The following OTOA variants were observed in gnomAD, a reference collection of about 807,000 sequenced individuals.
The protein encoded by OTOA is cancer/testis antigen 108.
In OTOA, 70 loss-of-function variants were observed where a neutral mutation model predicts 110.8. The observed-to-expected ratio is 0.63, with a 90% CI of 0.52 to 0.77. OTOA has a LOEUF of 0.77. OTOA is among the 30% of genes least tolerant of loss of function. The pLI, the probability that OTOA is intolerant of heterozygous loss-of-function variation, is 0.00. For synonymous variants in OTOA, 373 were observed against 431.5 expected (o/e 0.86, Z 1.68); for missense variants, 917 against 1,075.8 (o/e 0.85, Z 2.06).
intron 1 of OTOA, among the ~76,000 whole-genome samples, chr16:21,672,405 C>T (rs1304066213): frequency 6.6e-6 from 1 of 151,944 alleles, no homozygotes; most frequent in Non-Finnish European, 1.5e-5. Flanking sequence ...GGCTGATCAC[C>T]AGAGGTCAGG....
At chr16:21,683,706 T>TAAAACA (rs917320028) in intron 6 of OTOA, among the ~76,000 whole-genome samples, 6 of 151,480 alleles carry the variant, frequency 4.0e-5, no homozygotes, top group Non-Finnish European at 7.4e-5. Flanking sequence ...ACCCCGTCTC[T>TAAAACA]AAAACAAAAA....
At chr16:21,709,668 T>C (rs1166407495) in intron 12 of OTOA, among the ~76,000 whole-genome samples, 1 of 152,128 alleles carries the variant, frequency 6.6e-6, no homozygotes. Flanking sequence ...AAGGGAATTT[T>C]TGGCACATGA....
At chr16:21,731,057 T>C (rs1899101465) in intron 21 of OTOA, 127 bp downstream of exon 21, 2 of 603,904 alleles carry the variant, frequency 3.3e-6, no homozygotes, top group African/African-American at 1.8e-5. Context: ...CTCCAAGGGC[T>C]AAGATGTTTC....
At chr16:21,734,905 G>A (rs896037058) in intron 21 of OTOA, among the ~76,000 whole-genome samples, 15 of 152,074 alleles carry the variant, frequency 9.9e-5, no homozygotes, top group African/African-American at 3.1e-4. Flanking sequence ...TTGGGAGGCC[G>A]AGGTGGGCGA....
At chr16:21,714,454 C>A (rs1898480358) in intron 13 of OTOA, among the ~76,000 whole-genome samples, 1 of 88,256 alleles carries the variant, frequency 1.1e-5, no homozygotes, top group African/African-American at 5.1e-5. Context: ...CTTTCTCTCT[C>A]TCTCTCTTCT....
chr16:21,674,377 C>G (rs1013655874), intron 1 of OTOA, among the ~76,000 whole-genome samples: 2 of 152,016 alleles, frequency 1.3e-5, no homozygotes, highest in Non-Finnish European at 2.9e-5. Context: ...GTGGTGCAAT[C>G]TTGGCTCACT....
chr16:21,756,541 C>T (rs1228646047), intron 27 of OTOA, among the ~76,000 whole-genome samples: 1 of 151,962 alleles, frequency 6.6e-6, no homozygotes, highest in African/African-American at 2.4e-5. Flanking sequence ...CTGTGTTTCC[C>T]CCTCCACATC....
At chr16:21,729,454 A>G (rs1262358822) in intron 20 of OTOA, 1 of 152,188 alleles carries the variant, frequency 6.6e-6, no homozygotes, top group African/African-American at 2.4e-5. Flanking sequence ...ATCCCCCACC[A>G]AAGTTGTACA....
At chr16:21,669,345 A>G (rs1966846083) in intron 1 of OTOA, among the ~76,000 whole-genome samples, 2 of 151,788 alleles carry the variant, frequency 1.3e-5, no homozygotes, top group Admixed American at 6.6e-5. Context: ...TCTGTCCCCC[A>G]CCCCAAAAAA....
chr16:21,720,396 GA>G (rs1898693574), intron 17 of OTOA, among the ~76,000 whole-genome samples: 1 of 152,214 alleles, frequency 6.6e-6, no homozygotes, highest in African/African-American at 2.4e-5. Flanking sequence ...TTTCAGACCA[GA>G]ATGAAGAATT....
At chr16:21,664,872 T>C (rs1425652052) in intron 1 of OTOA, among the ~76,000 whole-genome samples, 1 of 151,944 alleles carries the variant, frequency 6.6e-6, no homozygotes, top group Non-Finnish European at 1.5e-5. Flanking sequence ...CTCCGGAGGC[T>C]GAGGCAGGAG....
At chr16:21,665,530 T>C (rs1017109548) in intron 1 of OTOA, among the ~76,000 whole-genome samples, 8 of 152,156 alleles carry the variant, frequency 5.3e-5, no homozygotes, top group African/African-American at 1.4e-4. Context: ...TGATCGTTCA[T>C]GTGCACTGAA....
At chr16:21,710,166 C>T in intron 13 of OTOA, 63 bp downstream of exon 13, 1 of 1,431,320 alleles carries the variant, frequency 7.0e-7, no homozygotes, top group Non-Finnish European at 9.6e-7. Flanking sequence ...TTAGACCTGC[C>T]AGGCTGCCAT....
intron 9 of OTOA, among the ~76,000 whole-genome samples, chr16:21,696,231 A>G (rs1010549777): frequency 6.6e-6 from 1 of 151,854 alleles, no homozygotes; most frequent in Non-Finnish European, 1.5e-5. Context: ...CATCTCAGTG[A>G]TGGGGAATTT....
intron 24 of OTOA, among the ~76,000 whole-genome samples, chr16:21,750,118 A>G (rs1409877773): frequency 1.2e-4 from 19 of 152,384 alleles, no homozygotes; most frequent in African/African-American, 4.6e-4. Context: ...GGCTTGAACA[A>G]ATAAAGGGGC....
At chr16:21,720,026 G>T (rs1279984660) in intron 17 of OTOA, among the ~76,000 whole-genome samples, 1 of 151,588 alleles carries the variant, frequency 6.6e-6, no homozygotes, top group Admixed American at 6.6e-5. Context: ...CATAATCATG[G>T]TTCATTGCAG....
Position 21,729,329 on chromosome 16 carries a change from G to C in OTOA, c.2207+898G>C, listed in dbSNP as rs567237216. Among the ~76,000 whole-genome samples the C allele has an allele frequency of 2.6e-5, 4 of 152,278 alleles. No homozygotes were observed. The East Asian group carries it at 7.7e-4, about 29-fold the overall frequency. On this transcript the variant is annotated intron_variant, in intron 20 of 28. Coordinates refer to ENST00000646100, the MANE Select transcript of OTOA (RefSeq NM_144672.4). ...TGGGATTATAGGTATGGGCCACCAT[G>C]CCTGACCCTAGAGACTATTTTTAAT...
At chr16:21,729,830 T>C (rs899875617) in intron 20 of OTOA, 2 of 152,206 alleles carry the variant, frequency 1.3e-5, no homozygotes, top group Admixed American at 1.3e-4. Flanking sequence ...GCTTGATAGC[T>C]CATTTCTTTT....
chr16:21,743,418 TA>T (rs1375272358), intron 23 of OTOA, among the ~76,000 whole-genome samples: 1 of 152,304 alleles, frequency 6.6e-6, no homozygotes, highest in Non-Finnish European at 1.5e-5. Context: ...CAGGTTGCAT[TA>T]AAAAAATGCC....
Sources: allele counts gnomAD v4.1 joint callset (sites outside exome capture counted in the v4.1 genomes callset), GRCh38; gene constraint gnomAD v4.1.1; transcripts MANE v1.5; gene names NCBI Gene and HGNC (gene_info 2026-07-23, HGNC 2026-07-21).